FBXO4: variants seen among roughly 807,000 people sequenced by gnomAD.
The protein encoded by FBXO4 is F-box protein 4.
A neutral mutation model predicts 43.7 loss-of-function variants in FBXO4; 36 were observed. That is an observed-to-expected ratio of 0.82 (90% CI 0.63 to 1.09). The LOEUF (loss-of-function observed/expected upper bound fraction) is 1.09, where lower values mean the gene tolerates loss of function less well. Ranked by LOEUF, FBXO4 falls within the 50% of genes least tolerant of loss-of-function variation. FBXO4 has a pLI of 0.00. For synonymous variants in FBXO4, 180 were observed against 165.6 expected (o/e 1.09, Z -0.67); for missense variants, 435 against 474.1 (o/e 0.92, Z 0.77).
chr5:42,006,667 C>T, the FBXO4 span, among the ~76,000 whole-genome samples: 1 of 151,234 alleles, frequency 6.6e-6, no homozygotes. Context: ...TCTTAATAGC[C>T]TTTGTTTGAC....
the FBXO4 span, among the ~76,000 whole-genome samples, chr5:41,977,959 T>C: frequency 6.6e-6 from 1 of 152,188 alleles, no homozygotes; most frequent in African/African-American, 2.4e-5. Flanking sequence ...CTTGTGTCTC[T>C]ATAAGGGAAT....
chr5:41,930,114 A>ATTAAGG (rs942376670), intron 3 of FBXO4, 197 bp downstream of exon 3: 19 of 539,920 alleles, frequency 3.5e-5, no homozygotes, highest in Non-Finnish European at 9.7e-6. Context: ...TAATTCCTCA[A>ATTAAGG]ATTTGTACAA....
the FBXO4 span, among the ~76,000 whole-genome samples, chr5:41,995,853 G>C: frequency 2.0e-5 from 3 of 152,092 alleles, no homozygotes; most frequent in African/African-American, 7.2e-5. Context: ...TCGCACATTT[G>C]CCCATTTCTC....
At chr5:42,002,039 A>G in the FBXO4 span, among the ~76,000 whole-genome samples, 3 of 152,170 alleles carry the variant, frequency 2.0e-5, no homozygotes, top group Non-Finnish European at 4.4e-5. Flanking sequence ...GTTTAGAAAC[A>G]TGACTAAATG....
the FBXO4 span, among the ~76,000 whole-genome samples, chr5:41,956,195 A>G: frequency 2.0e-5 from 3 of 152,256 alleles, no homozygotes; most frequent in African/African-American, 7.2e-5. Context: ...GACAAGGACT[A>G]TAACTATACA....
downstream of FBXO4, among the ~76,000 whole-genome samples, chr5:41,945,937 C>T (rs1010477376): frequency 6.6e-6 from 1 of 152,218 alleles, no homozygotes; most frequent in Non-Finnish European, 1.5e-5. Flanking sequence ...TTAGAAATTA[C>T]TGATGCACAC....
the FBXO4 span, among the ~76,000 whole-genome samples, chr5:41,970,673 T>C: frequency 6.6e-6 from 1 of 151,940 alleles, no homozygotes; most frequent in Non-Finnish European, 1.5e-5. Context: ...TAAGAATTTA[T>C]CAGTCATAGT....
the FBXO4 span, among the ~76,000 whole-genome samples, chr5:41,947,165 A>G: frequency 1.2e-4 from 19 of 152,222 alleles, no homozygotes; most frequent in Non-Finnish European, 2.5e-4. Flanking sequence ...AGAGACAATA[A>G]CAAATGAGAC....
downstream of FBXO4, among the ~76,000 whole-genome samples, chr5:41,945,679 A>G (rs1752067621): frequency 6.6e-6 from 1 of 152,206 alleles, no homozygotes; most frequent in African/African-American, 2.4e-5. Flanking sequence ...TGGAGAGCCT[A>G]TAAATGGATA....
the FBXO4 span, among the ~76,000 whole-genome samples, chr5:42,002,145 T>C: frequency 1.3e-5 from 2 of 152,218 alleles, no homozygotes; most frequent in Admixed American, 1.3e-4. Context: ...TCTACATAAA[T>C]GATCATGTCA....
At chr5:41,966,162 G>C in the FBXO4 span, among the ~76,000 whole-genome samples, 1 of 152,150 alleles carries the variant, frequency 6.6e-6, no homozygotes, top group South Asian at 2.1e-4. Flanking sequence ...TGGGGGCAAG[G>C]GGGAGGATAG....
At chr5:41,967,172 G>A in the FBXO4 span, 26 of 458,474 alleles carry the variant, frequency 5.7e-5, no homozygotes, top group Non-Finnish European at 1.1e-4. Flanking sequence ...TTAGACTTCA[G>A]CACTTTCCGT....
the FBXO4 span, among the ~76,000 whole-genome samples, chr5:42,035,333 G>T: frequency 6.6e-6 from 1 of 152,016 alleles, no homozygotes; most frequent in Non-Finnish European, 1.5e-5. Context: ...TAGCCTGATT[G>T]CCCTAGCCAG....
At chr5:42,003,716 T>C in the FBXO4 span, among the ~76,000 whole-genome samples, 2 of 125,856 alleles carry the variant, frequency 1.6e-5, no homozygotes, top group African/African-American at 3.0e-5. Context: ...CCCCACCCTG[T>C]GTCCAAGTGT....
the FBXO4 span, among the ~76,000 whole-genome samples, chr5:42,035,487 C>T: frequency 6.6e-6 from 1 of 152,072 alleles, no homozygotes; most frequent in South Asian, 2.1e-4. Context: ...AACTGTTAAT[C>T]TCATAGTTGC....
the FBXO4 span, among the ~76,000 whole-genome samples, chr5:41,956,418 CAG>C: frequency 1.3e-5 from 2 of 152,128 alleles, no homozygotes; most frequent in Non-Finnish European, 2.9e-5. Context: ...CCAAATGAAA[CAG>C]AGAGAAATTG....
the FBXO4 span, among the ~76,000 whole-genome samples, chr5:42,002,323 G>A: frequency 5.3e-5 from 8 of 152,248 alleles, no homozygotes; most frequent in South Asian, 2.1e-4. Context: ...AGTGCCTGCC[G>A]CACAATGAGC....
chr5:42,011,936 A>G, the FBXO4 span, among the ~76,000 whole-genome samples: 2 of 152,200 alleles, frequency 1.3e-5, no homozygotes, highest in Non-Finnish European at 2.9e-5. Context: ...ATGTGAAGCA[A>G]TTAGATACCT....
chr5:41,994,880 A>G, the FBXO4 span, among the ~76,000 whole-genome samples: 1 of 152,042 alleles, frequency 6.6e-6, no homozygotes, highest in Non-Finnish European at 1.5e-5. Context: ...CACCATCACT[A>G]GGGGTGATGG....
Sources: gnomAD v4.1 joint callset for allele counts (sites outside exome capture counted in the v4.1 genomes callset) on GRCh38, gnomAD v4.1.1 for gene constraint, MANE v1.5 for transcripts, NCBI Gene and HGNC (gene_info 2026-07-23, HGNC 2026-07-21) for gene names.